CD5: variants seen among roughly 807,000 people sequenced by gnomAD.
CD5 encodes the protein T-cell surface glycoprotein CD5.
CD5 carries 36 observed loss-of-function variants against 60.3 expected under a neutral mutation model. That is an observed-to-expected ratio of 0.60 (90% CI 0.46 to 0.79). The LOEUF (loss-of-function observed/expected upper bound fraction) is 0.79, where lower values mean the gene tolerates loss of function less well. Ranked by LOEUF, CD5 falls within the 30% of genes least tolerant of loss-of-function variation. The pLI is 0.00. For missense variants in CD5, 540 were observed against 630.6 expected, an observed-to-expected ratio of 0.86 and a Z score of 1.54; for synonymous variants, 230 against 257.6, an observed-to-expected ratio of 0.89 and a Z score of 1.03.
At chr11:61,108,692 T>C (rs899334497) in intron 1 of CD5, among the ~76,000 whole-genome samples, 1 of 152,216 alleles carries the variant, frequency 6.6e-6, no homozygotes, top group Non-Finnish European at 1.5e-5. Context: ...TGGACATCGA[T>C]GGCTGTAGCT....
Position 61,121,898 on chromosome 11 carries a change from G to C in CD5, c.1093G>C (p.Val365Leu). The change falls in exon 6 of 11, where the codon GTC becomes CTC. Residue 365 changes from valine to leucine, a missense_variant. Val to Leu is a conservative substitution (Grantham distance 32, BLOSUM62 1). Coordinates refer to ENST00000347785, the MANE Select transcript of CD5 (RefSeq NM_014207.4). ...AAATTCCTACTGCAAGAAGGTGTTT[G>C]TCACATGTGAGTTGGCCACAGCCCA... ...ERNSYCKKVFVTCQDPNPAGL... is the reference protein window; with the variant it reads ...ERNSYCKKVFLTCQDPNPAGL... 6.5e-7 allele frequency: 1 copy of C among 1,539,254 alleles called. No individual in the cohort carries two copies. Among genetic ancestry groups the C allele is most frequent in the Non-Finnish European group, 8.8e-7 (1 of 1,134,664 alleles).
At position 61,118,114 on chromosome 11, in the gene CD5, G is replaced by C; in HGVS notation, c.95-61G>C. The C allele has an allele frequency of 6.5e-7, 1 of 1,542,324 alleles. No individual in the cohort carries two copies. The highest frequency in any genetic ancestry group is 8.9e-7 in the Non-Finnish European group (1 of 1,129,566). ...CTGGGCGTCCTAGGGAGAGGGCAGT[G>C]AGGGGTGCCAGTGGGGAACCCCTCC... On this transcript the variant is annotated intron_variant, in intron 2 of 10. Transcript: ENST00000347785. The surrounding 1 kb of genome is among the most constrained non-coding windows in gnomAD (Gnocchi z 4.7).
chr11:61,113,945 T>C (rs1860897197), intron 1 of CD5, among the ~76,000 whole-genome samples: 1 of 152,170 alleles, frequency 6.6e-6, no homozygotes, highest in Non-Finnish European at 1.5e-5. Context: ...GCTTGGATTA[T>C]AGGCATGGGC....
chr11:61,101,468 C>CACACACACATATATCAAATGGGGATT (rs1491230521), upstream of CD5, among the ~76,000 whole-genome samples: 4 of 150,338 alleles, frequency 2.7e-5, no homozygotes, highest in African/African-American at 7.4e-5. Context: ...ACATGGAGAT[C>CACACACACATATATCAAATGGGGATT]ACACACACAT....
At position 61,121,356 on chromosome 11, in the gene CD5, G is replaced by A. The variant is rs185181673; in HGVS notation, c.806-255G>A. On this transcript the variant is annotated intron_variant, in intron 5 of 10. Transcript: ENST00000347785. ...TGCCAACAGCCTCCCTGCAGAAAGC[G>A]CCTATGCTGCTGTGTCTCAGGATGG... Among the ~76,000 whole-genome samples, 39 of 152,358 alleles carry A rather than the reference G, an allele frequency of 2.6e-4. 1 individual carries two copies. In the East Asian group the frequency reaches 6.2e-3, roughly 24 times the overall value.
At chr11:61,101,288 TCACA>T (rs1312603269), upstream of CD5, among the ~76,000 whole-genome samples, 1 of 89,336 alleles carries the variant, frequency 1.1e-5, no homozygotes, top group Non-Finnish European at 2.2e-5. Flanking sequence ...AACATGGAGA[TCACA>T]CACACACATC....
At chr11:61,099,526 TCACA>T (rs1860629250), upstream of CD5, among the ~76,000 whole-genome samples, 5 of 130,870 alleles carry the variant, frequency 3.8e-5, no homozygotes, top group South Asian at 2.4e-4. Flanking sequence ...AACATGGAGA[TCACA>T]TTCGCACACA....
rs565979351 is a variant in CD5 at position 61,113,552 on chromosome 11, C to T, written c.56-1504C>T. ...GTCACGCCATCTCTTTGAGCTTGGTCTTCTCCAGAAATGGGCAGCTGTTAA... is the reference window on the plus strand; with the variant it reads ...GTCACGCCATCTCTTTGAGCTTGGTTTTCTCCAGAAATGGGCAGCTGTTAA... On this transcript the variant is annotated intron_variant, in intron 1 of 10. Coordinates refer to ENST00000347785, the MANE Select transcript of CD5 (RefSeq NM_014207.4). Among the ~76,000 whole-genome samples, 17 of 152,352 alleles carry T rather than the reference C, an allele frequency of 1.1e-4. 1 individual carries two copies. In the South Asian group the frequency reaches 3.1e-3, roughly 28 times the overall value.
chr11:61,108,047 C>T (rs1860801304), intron 1 of CD5, among the ~76,000 whole-genome samples: 1 of 152,170 alleles, frequency 6.6e-6, no homozygotes, highest in African/African-American at 2.4e-5. Context: ...AGCTGTGTGA[C>T]CTTGGGCAAG....
Position 61,118,339 on chromosome 11 carries a change from G to T in CD5, c.259G>T (p.Gly87Trp). The change falls in exon 3 of 11, where the codon GGG (glycine) becomes TGG (tryptophan). Residue 87 changes from glycine (G) to tryptophan (W), a missense_variant. Transcript: ENST00000347785. This position sits in a 1 kb window ranked among gnomAD's most constrained non-coding sequence, Gnocchi z 4.7. ...AAAAGTCTGCCAGCGGCTGAACTGT[G>T]GGGTGCCCTTAAGCCTTGGCCCCTT... ...ASKVCQRLNC[G>W]VPLSLGPFLV... is the part of the protein sequence containing the mutation. 1 of 1,614,272 alleles carries T rather than the reference G, an allele frequency of 6.2e-7. No individual in the cohort carries two copies. Among genetic ancestry groups the T allele is most frequent in the East Asian group, 2.2e-5 (1 of 44,896 alleles).
At chr11:61,122,353 TC>T (rs1460685567) in intron 6 of CD5, among the ~76,000 whole-genome samples, 13 of 137,550 alleles carry the variant, frequency 9.5e-5, no homozygotes, top group Admixed American at 1.4e-4. Flanking sequence ...GATGGATGGA[TC>T]GGTGGGTGGG....
rs765315855 is a variant in CD5, at chr11:61,119,287, G to A, written c.517G>A (p.Val173Met). Residue 173 changes from valine to methionine, a missense_variant, in exon 5 of 11, where the codon GTG becomes ATG. By Grantham distance (21) the Val-to-Met change is conservative. Transcript: ENST00000347785. ...GTCTGGCGGCCAGCACTGTGCCGGCGTGGTGGAGTTCTACAGCGGCAGCCT... is the reference window on the plus strand; with the variant it reads ...GTCTGGCGGCCAGCACTGTGCCGGCATGGTGGAGTTCTACAGCGGCAGCCT... ...AQSGGQHCAG[V>M]VEFYSGSLGG... The A allele has an allele frequency of 2.4e-5, 39 of 1,613,500 alleles. No individual in the cohort carries two copies. The South Asian group carries it at 2.5e-4, about 10-fold the overall frequency.
chr11:61,122,948 G>A lies in CD5; in HGVS notation c.1141G>A (p.Ala381Thr), dbSNP rs1304676416. The A allele has an allele frequency of 3.7e-6, 6 of 1,613,976 alleles. No homozygotes were observed. The highest frequency in any genetic ancestry group is 2.7e-5 in the African/African-American group (2 of 74,944). ...NPAGLAAGTV[A>T]SIILALVLLV... ...CGCAGGCCTGGCCGCAGGCACGGTG[G>A]CAAGCATCATCCTGGCCCTGGTGCT... The change falls in exon 7 of 11, where the codon GCA (alanine) becomes ACA (threonine). Residue 381 changes from alanine (A) to threonine (T), a missense_variant. Ala to Thr is a moderately conservative substitution (Grantham distance 58, BLOSUM62 0). Coordinates refer to ENST00000347785, the MANE Select transcript of CD5 (RefSeq NM_014207.4).
chr11:61,100,046 TCACA>T (rs1228545586), upstream of CD5, among the ~76,000 whole-genome samples: 1 of 108,270 alleles, frequency 9.2e-6, no homozygotes, highest in African/African-American at 3.8e-5. Flanking sequence ...GACATGGAGA[TCACA>T]CACACACATC....
chr11:61,123,811 ATCCC>A, intron 7 of CD5, 69 bp from the exon 8 acceptor site: 25 of 262,084 alleles, frequency 9.5e-5, no homozygotes, highest in East Asian at 2.8e-4. Flanking sequence ...GCCCAGCCCC[ATCCC>A]CACCCCTGCC....
chr11:61,127,790 C>T lies in CD5; in HGVS notation c.*1505C>T, dbSNP rs961139891. On this transcript the variant is annotated 3_prime_UTR_variant, in exon 11 of 11. Coordinates refer to ENST00000347785, the MANE Select transcript of CD5 (RefSeq NM_014207.4). Reference sequence around the variant, plus strand: ...TATAGTTTGGCCACCATACAGTGGCCTCAAAGCAACCATGGCCTACTTAAA... The same window carrying T: ...TATAGTTTGGCCACCATACAGTGGCTTCAAAGCAACCATGGCCTACTTAAA... 1.3e-5 allele frequency: 2 copies of T among 152,168 alleles called. No homozygotes were observed. The highest frequency in any genetic ancestry group is 2.9e-5 in the Non-Finnish European group (2 of 68,036). The allele number at this position is 152,168 out of a possible 1,614,324, so 9.4% of individuals were successfully genotyped here. A position where few individuals can be genotyped will look rare whatever the true frequency, so the allele number is the denominator to read the frequency against.
At chr11:61,097,745 G>A (rs183296089), upstream of CD5, among the ~76,000 whole-genome samples, 7 of 152,262 alleles carry the variant, frequency 4.6e-5, no homozygotes, top group East Asian at 3.9e-4. Context: ...ATGAATGGCC[G>A]CCCCCTGAGA....
chr11:61,125,265 C>A, intron 9 of CD5, 114 bp downstream of exon 9: 1 of 1,200,808 alleles, frequency 8.3e-7, no homozygotes, highest in East Asian at 2.5e-5. Flanking sequence ...AATGGAGACC[C>A]CAGGGTGCAA....
rs112138733 is a variant in CD5 at position 61,102,650 on chromosome 11, G to A, written c.55+35G>A. ...CCTCCCAGGTGTCCTGCGAACACCC[G>A]GGCTCGCTCCAGTGCAAGGAAGGAG... On this transcript the variant is annotated intron_variant, in intron 1 of 10. Transcript: ENST00000347785. 759 of 1,542,614 alleles carry A rather than the reference G, an allele frequency of 4.9e-4. 8 individuals carry two copies. In the South Asian group the frequency reaches 5.9e-3, roughly 12 times the overall value.
Sources: allele counts gnomAD v4.1 joint callset (sites outside exome capture counted in the v4.1 genomes callset), GRCh38; gene constraint gnomAD v4.1.1; non-coding constraint Gnocchi (gnomAD v3.1); transcripts MANE v1.5; gene names NCBI Gene and HGNC (gene_info 2026-07-23, HGNC 2026-07-21).